The following DSCAML1 variants were observed in gnomAD, a reference collection of about 807,000 sequenced individuals.
DSCAML1 encodes the protein DS cell adhesion molecule like 1, also known as cell adhesion molecule DSCAML1.
Under a neutral mutation model 200.5 loss-of-function variants are expected in DSCAML1, and 38 were observed. The ratio of observed to expected loss-of-function variants is 0.19; its 90% CI spans 0.15 to 0.25. DSCAML1 has a LOEUF of 0.25. Among genes scored for constraint, DSCAML1 ranks in the 10% least tolerant of loss-of-function variants. The probability of loss-of-function intolerance (pLI) is 1.00; values close to 1 mark genes in which losing one functional copy is unlikely to be tolerated. For missense variants in DSCAML1, 2,223 were observed against 2,858.8 expected, an observed-to-expected ratio of 0.78 and a Z score of 5.07; for synonymous variants, 1,215 against 1,165.0, an observed-to-expected ratio of 1.04 and a Z score of -0.87.
At chr11:117,681,227 G>T (rs1353124376) in intron 3 of DSCAML1, among the ~76,000 whole-genome samples, 1 of 152,100 alleles carries the variant, frequency 6.6e-6, no homozygotes, top group East Asian at 1.9e-4. Context: ...CAAGGCTTTT[G>T]GGGCTTGCCA....
At chr11:117,486,755 T>TGAA (rs2049077115) in intron 11 of DSCAML1, among the ~76,000 whole-genome samples, 1 of 152,054 alleles carries the variant, frequency 6.6e-6, no homozygotes, top group Non-Finnish European at 1.5e-5. Context: ...AGAGCCCAGA[T>TGAA]GAAGACCTGT....
chr11:117,509,458 C>T (rs988748383), intron 8 of DSCAML1, among the ~76,000 whole-genome samples: 9 of 152,182 alleles, frequency 5.9e-5, no homozygotes, highest in Non-Finnish European at 1.2e-4. Context: ...CAGATGACCT[C>T]CCAGAGGCCC....
At chr11:117,597,646 G>C (rs1181112908) in intron 3 of DSCAML1, among the ~76,000 whole-genome samples, 1 of 152,150 alleles carries the variant, frequency 6.6e-6, no homozygotes, top group Non-Finnish European at 1.5e-5. Flanking sequence ...AGTAGAGATG[G>C]GGTTTCATCA....
chr11:117,643,202 A>G lies in DSCAML1; in HGVS notation c.512-110680T>C, dbSNP rs185961633. On this transcript the variant is annotated intron_variant, in intron 3 of 32. Coordinates refer to ENST00000651296, the MANE Select transcript of DSCAML1 (RefSeq NM_020693.4). ...ACAGAAGCTTGTAAACTTATGGACC[A>G]TCTAACCTCAAGAGGTGGGACAAGC... Among the ~76,000 whole-genome samples, 157 of 152,330 alleles carry G rather than the reference A, an allele frequency of 1.0e-3. 1 individual carries two copies. The highest frequency in any genetic ancestry group is 3.6e-3 in the African/African-American group (150 of 41,580).
rs1466520223 is a variant in DSCAML1, at chr11:117,484,054, C to CCCGCCCCTGCCCG, written c.2360-1893_2360-1892insCGGGCAGGGGCGG. 4.6e-5 allele frequency among the ~76,000 whole-genome samples: 7 copies of CCCGCCCCTGCCCG among 150,702 alleles called. No homozygotes were observed. In the East Asian group the frequency reaches 7.9e-4, roughly 17 times the overall value. On this transcript the variant is annotated intron_variant, in intron 11 of 32. Transcript: ENST00000651296. ...CCGCCCCTGCCCCCCGCCCCTGCCC[C>CCCGCCCCTGCCCG]GGCACCGTGTCTCTGCTCCATTTCA...
At position 117,587,278 on chromosome 11, in the gene DSCAML1, T is replaced by C. The variant is rs1006089505; in HGVS notation, c.512-54756A>G. On this transcript the variant is annotated intron_variant, in intron 3 of 32. Coordinates refer to ENST00000651296, the MANE Select transcript of DSCAML1 (RefSeq NM_020693.4). Reference sequence around the variant, plus strand: ...ACCCCCCCCCACGATTTAGATACTATTATGATTCCTATATTGTAGTGGAAG... The same window carrying C: ...ACCCCCCCCCACGATTTAGATACTACTATGATTCCTATATTGTAGTGGAAG... Among the ~76,000 whole-genome samples, 3 of 141,046 alleles carry C rather than the reference T, an allele frequency of 2.1e-5. 1 individual carries two copies. The Admixed American group carries it at 2.2e-4, about 10-fold the overall frequency. 92.5% of individuals were successfully genotyped at this position (141,046 alleles called of 152,430 possible).
intron 8 of DSCAML1, among the ~76,000 whole-genome samples, chr11:117,510,702 C>T (rs1182250210): frequency 6.6e-6 from 1 of 152,110 alleles, no homozygotes; most frequent in Non-Finnish European, 1.5e-5. Flanking sequence ...TAGCTGTATT[C>T]ATAGAACCTA....
At chr11:117,799,012 G>A (rs368573320), upstream of DSCAML1, among the ~76,000 whole-genome samples, 185 of 152,264 alleles carry the variant, frequency 1.2e-3, no homozygotes, top group African/African-American at 4.1e-3. Flanking sequence ...TGTTTGAGAT[G>A]ACCCAGACCG....
intron 19 of DSCAML1, among the ~76,000 whole-genome samples, chr11:117,457,476 G>A (rs932030727): frequency 6.6e-6 from 1 of 152,240 alleles, no homozygotes; most frequent in Non-Finnish European, 1.5e-5. Context: ...TGAGGCCTCA[G>A]ATGGGACCAG....
intron 11 of DSCAML1, among the ~76,000 whole-genome samples, chr11:117,492,499 G>A (rs747921822): frequency 3.3e-5 from 5 of 152,182 alleles, no homozygotes; most frequent in East Asian, 1.9e-4. Flanking sequence ...CAGGGAGCCC[G>A]TGTGTTCAAG....
chr11:117,433,752 C>G (rs1168101096), intron 27 of DSCAML1, among the ~76,000 whole-genome samples: 2 of 152,210 alleles, frequency 1.3e-5, no homozygotes, highest in East Asian at 1.9e-4. Flanking sequence ...TAGCAAGTGC[C>G]TCATCTGCTT....
At chr11:117,444,542 C>T (rs548122476) in intron 20 of DSCAML1, among the ~76,000 whole-genome samples, 62 of 152,330 alleles carry the variant, frequency 4.1e-4, no homozygotes, top group African/African-American at 1.3e-3. Flanking sequence ...GCAGCACGCC[C>T]GCCCGTCCAG....
chr11:117,753,377 T>C (rs2054633936), intron 3 of DSCAML1, among the ~76,000 whole-genome samples: 1 of 152,232 alleles, frequency 6.6e-6, no homozygotes, highest in Non-Finnish European at 1.5e-5. Flanking sequence ...GTTGCTGCTA[T>C]GTTTGGGGCA....
Position 117,505,785 on chromosome 11 carries a change from C to A in DSCAML1, c.1784-53G>T. 6.4e-7 allele frequency: 1 copy of A among 1,552,764 alleles called. No homozygotes were observed. Among genetic ancestry groups the A allele is most frequent in the Non-Finnish European group, 8.7e-7 (1 of 1,151,280 alleles). On this transcript the variant is annotated intron_variant, in intron 8 of 32. Transcript: ENST00000651296. The surrounding 1 kb of genome is among the most constrained non-coding windows in gnomAD (Gnocchi z 6.7). ...AGGACCCTGTGCATTCTCACCTGGC[C>A]GCCAACGCCGCCTCACCTGCCTTAC...
intron 3 of DSCAML1, among the ~76,000 whole-genome samples, chr11:117,776,295 T>C (rs958042675): frequency 6.6e-6 from 1 of 152,052 alleles, no homozygotes. Flanking sequence ...GCCAACTCAT[T>C]CAAGAAGGGA....
intron 1 of DSCAML1, among the ~76,000 whole-genome samples, chr11:117,813,667 C>T: frequency 6.6e-6 from 1 of 152,156 alleles, no homozygotes; most frequent in African/African-American, 2.4e-5. Flanking sequence ...AATCATTCTA[C>T]ATGACAAATG....
chr11:117,731,592 C>T lies in DSCAML1; in HGVS notation c.511+45199G>A, dbSNP rs1394070695. On this transcript the variant is annotated intron_variant, in intron 3 of 32. Transcript: ENST00000651296. ...CTTCCCCAGGTGGCCCCCTGGATCC[C>T]CCCAGAAGCTGGGCAATCTGCCCTC... 2.6e-5 allele frequency among the ~76,000 whole-genome samples: 4 copies of T among 152,294 alleles called. No individual in the cohort carries two copies. In the East Asian group the frequency reaches 7.7e-4, roughly 29 times the overall value.
intron 6 of DSCAML1, among the ~76,000 whole-genome samples, chr11:117,519,286 G>C (rs543373659): frequency 1.3e-5 from 2 of 152,178 alleles, no homozygotes; most frequent in East Asian, 1.9e-4. Flanking sequence ...GCCTCAGGAG[G>C]GGGTGGTGGC....
At chr11:117,680,024 C>T (rs1341319437) in intron 3 of DSCAML1, among the ~76,000 whole-genome samples, 1 of 152,182 alleles carries the variant, frequency 6.6e-6, no homozygotes, top group Non-Finnish European at 1.5e-5. Flanking sequence ...CTTCCACTCT[C>T]AGCACCTTTT....
Sources: gnomAD v4.1 joint callset for allele counts (sites outside exome capture counted in the v4.1 genomes callset) on GRCh38, gnomAD v4.1.1 for gene constraint, Gnocchi (gnomAD v3.1) non-coding constraint, MANE v1.5 for transcripts, NCBI Gene and HGNC (gene_info 2026-07-23, HGNC 2026-07-21) for gene names.